The following BRINP1 variants were observed in gnomAD, a reference collection of about 807,000 sequenced individuals.
BRINP1 encodes BMP/retinoic acid inducible neural specific 1.
A neutral mutation model predicts 72.9 loss-of-function variants in BRINP1; 17 were observed. The ratio of observed to expected loss-of-function variants is 0.23; its 90% CI spans 0.16 to 0.35. The LOEUF (loss-of-function observed/expected upper bound fraction) is 0.35. Among genes scored for constraint, BRINP1 ranks in the 10% least tolerant of loss-of-function variants. The pLI, the probability that BRINP1 is intolerant of heterozygous loss-of-function variation, is 1.00. For missense variants in BRINP1, 850 were observed against 1,001.6 expected, an observed-to-expected ratio of 0.85 and a Z score of 2.04; for synonymous variants, 418 against 378.5, an observed-to-expected ratio of 1.10 and a Z score of -1.21.
Position 119,167,360 on chromosome 9 carries a change from G to A in BRINP1, c.2010C>T (p.Arg670=), listed in dbSNP as rs184067318. 3.1e-6 allele frequency: 5 copies of A among 1,614,144 alleles called. No homozygotes were observed. In the East Asian group the frequency reaches 6.7e-5, roughly 22 times the overall value. ...ACTGGTTGACCTGCTGCACTGCACTGCGCAGGAGGTCGGCGTTGAACCTCA... is the reference window on the plus strand; with the variant it reads ...ACTGGTTGACCTGCTGCACTGCACTACGCAGGAGGTCGGCGTTGAACCTCA... ...YSLRFNADLL[R]SAVQQVNQSY... Residue 670 remains arginine, a synonymous_variant, in exon 8 of 8, where the codon CGC becomes CGT. Coordinates refer to ENST00000265922, the MANE Select transcript of BRINP1 (RefSeq NM_014618.3). The surrounding 1 kb of genome is among the most constrained non-coding windows in gnomAD (Gnocchi z 4.3).
chr9:119,349,080 G>T (rs1327213046), intron 1 of BRINP1, among the ~76,000 whole-genome samples: 1 of 151,982 alleles, frequency 6.6e-6, no homozygotes, highest in African/African-American at 2.4e-5. Flanking sequence ...GTCTTCCAAG[G>T]CCCCTCTCAC....
At chr9:119,339,472 TC>T (rs1257113451) in intron 1 of BRINP1, among the ~76,000 whole-genome samples, 1 of 152,230 alleles carries the variant, frequency 6.6e-6, no homozygotes, top group Non-Finnish European at 1.5e-5. Context: ...TCTGTTTGGG[TC>T]AACCGTATAT....
intron 1 of BRINP1, among the ~76,000 whole-genome samples, chr9:119,355,869 G>C (rs1831559778): frequency 6.6e-6 from 1 of 151,952 alleles, no homozygotes; most frequent in Admixed American, 6.5e-5. Context: ...CAAACACTCT[G>C]ATAACATTTC....
At chr9:119,343,279 C>G (rs868150371) in intron 1 of BRINP1, among the ~76,000 whole-genome samples, 3 of 152,100 alleles carry the variant, frequency 2.0e-5, no homozygotes, top group Middle Eastern at 3.2e-3. Context: ...GATATGGAGT[C>G]AGTGAAGGGT....
In BRINP1 at chr9:119,242,051, A is replaced by C. The variant is rs1314330823; in HGVS notation, c.575T>G (p.Ile192Ser). 2.0e-5 allele frequency: 33 copies of C among 1,613,686 alleles called. No individual in the cohort carries two copies. The highest frequency in any genetic ancestry group is 2.7e-5 in the Non-Finnish European group (32 of 1,179,934). ...LHEIQISTGA[I>S]KVTETRTGPL... ...AAATCCACCCCGGAGCTGTACCTTGATTGCTCCAGTTGATATCTGGATCTC... is the reference window on the plus strand; with the variant it reads ...AAATCCACCCCGGAGCTGTACCTTGCTTGCTCCAGTTGATATCTGGATCTC... Residue 192 changes from isoleucine (I) to serine (S), a missense_variant, in exon 4 of 8, where the codon ATC (isoleucine) becomes AGC (serine). Ile to Ser is a moderately radical substitution (Grantham distance 142). Coordinates refer to ENST00000265922, the MANE Select transcript of BRINP1 (RefSeq NM_014618.3).
chr9:119,172,942 T>G lies in BRINP1; in HGVS notation c.1146-4718A>C, dbSNP rs1197332151. Among the ~76,000 whole-genome samples the G allele has an allele frequency of 1.7e-3, 250 of 150,556 alleles. 2 individuals are homozygous for G. Among genetic ancestry groups the G allele is most frequent in the African/African-American group, 5.6e-3 (226 of 40,166 alleles). On this transcript the variant is annotated intron_variant, in intron 7 of 7. Transcript: ENST00000265922. ...GACAAAATTCAACCACCCTTCATGC[T>G]AAAAACTCTCAATAAATTAGGTATT... is the stretch of plus-strand genomic sequence containing the variant.
At chr9:119,358,387 T>TAAAAAAAAA (rs5900396) in intron 1 of BRINP1, among the ~76,000 whole-genome samples, 1 of 134,114 alleles carries the variant, frequency 7.5e-6, no homozygotes. Context: ...TTATATGTAT[T>TAAAAAAAAA]AAAAAAAAAA....
chr9:119,168,023 G>A lies in BRINP1; in HGVS notation c.1347C>T (p.Ser449=). The part of the protein sequence containing the change: ...CSLANISLCG[S]CNKGYKLYRG... ...GATACAGCTTGTAGCCCTTGTTGCA[G>A]GAGCCGCAGAGGGAGATGTTGGCCA... Residue 449 remains serine (S), a synonymous_variant, in exon 8 of 8, where the codon TCC becomes TCT. Transcript: ENST00000265922. 1 of 1,613,402 alleles carries A rather than the reference G, an allele frequency of 6.2e-7. No individual in the cohort carries two copies. Among genetic ancestry groups the A allele is most frequent in the South Asian group, 1.1e-5 (1 of 91,050 alleles).
chr9:119,280,246 CT>C (rs56094061), intron 2 of BRINP1, among the ~76,000 whole-genome samples: 3 of 148,602 alleles, frequency 2.0e-5, no homozygotes, highest in African/African-American at 2.5e-5. Flanking sequence ...GTTTTTTTTT[CT>C]TTTTTTTTTA....
intron 3 of BRINP1, among the ~76,000 whole-genome samples, chr9:119,244,496 A>C (rs1025395959): frequency 6.6e-6 from 1 of 152,156 alleles, no homozygotes; most frequent in African/African-American, 2.4e-5. Flanking sequence ...AGATGAGTGG[A>C]TGGGTGTATA....
At chr9:119,278,615 C>T (rs914597298) in intron 2 of BRINP1, among the ~76,000 whole-genome samples, 15 of 152,122 alleles carry the variant, frequency 9.9e-5, no homozygotes, top group Admixed American at 2.0e-4. Flanking sequence ...AGCAGCTGGG[C>T]GCGGTGGCTC....
intron 7 of BRINP1, among the ~76,000 whole-genome samples, chr9:119,178,861 A>T (rs1009559362): frequency 7.9e-5 from 12 of 152,180 alleles, no homozygotes; most frequent in Admixed American, 5.9e-4. Context: ...GTGAGTAATA[A>T]GAAGAAAGCA....
At chr9:119,297,188 G>A (rs1830890245) in intron 2 of BRINP1, among the ~76,000 whole-genome samples, 1 of 152,080 alleles carries the variant, frequency 6.6e-6, no homozygotes, top group Non-Finnish European at 1.5e-5. Context: ...AACTTAAAAA[G>A]AAAAGAAATG....
intron 1 of BRINP1, among the ~76,000 whole-genome samples, chr9:119,322,811 C>A (rs1029279148): frequency 6.6e-6 from 1 of 152,150 alleles, no homozygotes; most frequent in Admixed American, 6.5e-5. Context: ...TTATTAACCC[C>A]CTCTGTGCCT....
intron 5 of BRINP1, among the ~76,000 whole-genome samples, chr9:119,219,513 T>C (rs1427199045): frequency 1.3e-5 from 2 of 152,090 alleles, no homozygotes; most frequent in Non-Finnish European, 2.9e-5. Flanking sequence ...CTTTCCTTTC[T>C]TTCTTCCCAT....
intron 1 of BRINP1, among the ~76,000 whole-genome samples, chr9:119,355,642 T>G (rs12339200): frequency 4.7e-5 from 7 of 150,172 alleles, no homozygotes; most frequent in Non-Finnish European, 7.4e-5. Context: ...GGCAGGAGAA[T>G]GGTGTGAACC....
intron 7 of BRINP1, among the ~76,000 whole-genome samples, chr9:119,173,270 C>A (rs1398372506): frequency 2.7e-5 from 4 of 150,616 alleles, no homozygotes; most frequent in Admixed American, 2.7e-4. Flanking sequence ...AGCTGATAAG[C>A]AACTTCAGCA....
intron 4 of BRINP1, among the ~76,000 whole-genome samples, chr9:119,240,440 G>A (rs906463495): frequency 1.3e-5 from 2 of 152,158 alleles, no homozygotes; most frequent in African/African-American, 2.4e-5. Flanking sequence ...CAATTTCTCT[G>A]AGAAATTCCT....
rs1466423645 is a variant in BRINP1 at position 119,366,152 on chromosome 9, A to G, written c.-51+2904T>C. 2.6e-5 allele frequency among the ~76,000 whole-genome samples: 4 copies of G among 152,118 alleles called. No homozygotes were observed. The East Asian group carries it at 5.8e-4, about 22-fold the overall frequency. ...TTTTTTGGAAATGTAGCAAGCAGGA[A>G]AGGTTTCTGGATCTTTGTGTGCACA... On this transcript the variant is annotated intron_variant, in intron 1 of 7. Transcript: ENST00000265922.
Sources: allele counts gnomAD v4.1 joint callset (sites outside exome capture counted in the v4.1 genomes callset), GRCh38; gene constraint gnomAD v4.1.1; non-coding constraint Gnocchi (gnomAD v3.1); transcripts MANE v1.5; gene names NCBI Gene and HGNC (gene_info 2026-07-23, HGNC 2026-07-21).